The following HTR1E variants were observed in gnomAD, a reference collection of about 807,000 sequenced individuals.
The protein encoded by HTR1E is 5-HT-1E.
HTR1E carries 3 observed loss-of-function variants against 3.4 expected under a neutral mutation model. The ratio of observed to expected loss-of-function variants is 0.89; its 90% confidence interval spans 0.41 to 2.31. HTR1E has a LOEUF of 2.31. HTR1E is among the 30% of genes most tolerant of loss of function. HTR1E has a pLI of 0.05. For synonymous variants in HTR1E, 170 were observed against 182.8 expected, an observed-to-expected ratio of 0.93 and a Z score of 0.56; for missense variants, 392 against 467.0, an observed-to-expected ratio of 0.84 and a Z score of 1.48.
At chr6:86,990,874 T>C (rs909696343) in intron 1 of HTR1E, among the ~76,000 whole-genome samples, 1 of 152,160 alleles carries the variant, frequency 6.6e-6, no homozygotes, top group African/African-American at 2.4e-5. Flanking sequence ...CTAGACTTAG[T>C]GATTCACTTC....
At position 86,947,166 on chromosome 6, in the gene HTR1E, A is replaced by T. The variant is rs1768628633; in HGVS notation, c.-186+9343A>T. 3.3e-5 allele frequency among the ~76,000 whole-genome samples: 5 copies of T among 152,172 alleles called. No individual in the cohort carries two copies. The South Asian group carries it at 1.0e-3, about 32-fold the overall frequency. On this transcript the variant is annotated intron_variant, in intron 1 of 1. Coordinates refer to ENST00000305344, the MANE Select transcript of HTR1E (RefSeq NM_000865.3). ...TTCCATGTATCTAGTGGAATTGTAC[A>T]ATGCTTATGTGATCTTGTGATATCA...
At position 87,016,223 on chromosome 6, in the gene HTR1E, C is replaced by A; in HGVS notation, c.889C>A (p.Leu297Met). The change falls in exon 2 of 2, where the codon CTG (leucine) becomes ATG (methionine). Residue 297 changes from leucine to methionine, a missense_variant. Leu to Met is a conservative substitution (Grantham distance 15, BLOSUM62 2). This residue lies in a region of HTR1E where 178 missense variants were observed against 164.9 expected (regional missense o/e 1.08). Coordinates refer to ENST00000305344, the MANE Select transcript of HTR1E (RefSeq NM_000865.3). Reference protein sequence around the residue: ...RKAARILGLILGAFILSWLPF... With the variant: ...RKAARILGLIMGAFILSWLPF... ...GGCAGCACGCATCCTGGGGCTGATT[C>A]TGGGTGCATTCATTTTATCCTGGCT... 6.2e-7 allele frequency: 1 copy of A among 1,614,132 alleles called. No homozygotes were observed. The highest frequency in any genetic ancestry group is 8.5e-7 in the Non-Finnish European group (1 of 1,180,010).
At chr6:86,971,349 C>T (rs980035850) in intron 1 of HTR1E, among the ~76,000 whole-genome samples, 5 of 152,172 alleles carry the variant, frequency 3.3e-5, no homozygotes, top group African/African-American at 4.8e-5. Context: ...TGTAGCCTCA[C>T]TGTTCTTCAG....
intron 1 of HTR1E, among the ~76,000 whole-genome samples, chr6:86,955,496 T>C (rs889760591): frequency 6.6e-6 from 1 of 152,184 alleles, no homozygotes; most frequent in Non-Finnish European, 1.5e-5. Flanking sequence ...GGTGACCACA[T>C]GTAGAATTTT....
At chr6:86,964,524 TTAAA>T (rs2127821009) in intron 1 of HTR1E, among the ~76,000 whole-genome samples, 1 of 149,958 alleles carries the variant, frequency 6.7e-6, no homozygotes, top group East Asian at 2.0e-4. Context: ...TCTGCAGTAC[TTAAA>T]TTCTTTCTCT....
rs140474776 is a variant in HTR1E, at chr6:86,982,895, G to A, written c.-185-32255G>A. On this transcript the variant is annotated intron_variant, in intron 1 of 1. Coordinates refer to ENST00000305344, the MANE Select transcript of HTR1E (RefSeq NM_000865.3). Reference sequence around the variant, plus strand: ...ATTTTCACATCCTAAACCATCCAGCGTGAAGTCTATGTTATCTGATTAAAG... The same window carrying A: ...ATTTTCACATCCTAAACCATCCAGCATGAAGTCTATGTTATCTGATTAAAG... Among the ~76,000 whole-genome samples, 175 of 152,198 alleles carry A rather than the reference G, an allele frequency of 1.1e-3. 1 individual carries two copies. The highest frequency in any genetic ancestry group is 4.1e-3 in the African/African-American group (169 of 41,516).
intron 1 of HTR1E, among the ~76,000 whole-genome samples, chr6:87,009,836 ACC>A (rs1247245071): frequency 1.6e-4 from 6 of 36,662 alleles, no homozygotes; most frequent in African/African-American, 3.0e-4. Flanking sequence ...GGGGGGACTG[ACC>A]CCCCCCCACC....
chr6:87,016,400 A>G lies in HTR1E; in HGVS notation c.1066A>G (p.Lys356Glu), dbSNP rs867401679. ...SFNEDFKLAF[K>E]KLIRCREHT ...TAATGAAGACTTTAAGCTGGCTTTT[A>G]AAAAGCTCATTAGATGCCGAGAGCA... The change falls in exon 2 of 2, where the codon AAA (lysine) becomes GAA (glutamate). Residue 356 changes from lysine to glutamate, a missense_variant. By Grantham distance (56) the Lys-to-Glu change is moderately conservative. Around this residue, in one of 3 missense-constraint regions of HTR1E, gnomAD observed 25 missense variants for 44.1 expected, o/e 0.57. Transcript: ENST00000305344. 6.2e-7 allele frequency: 1 copy of G among 1,605,180 alleles called. No individual in the cohort carries two copies. The highest frequency in any genetic ancestry group is 1.7e-5 in the Admixed American group (1 of 59,480).
Position 87,016,528 on chromosome 6 carries a change from A to G in HTR1E, c.*96A>G, listed in dbSNP as rs1768329993. On this transcript the variant is annotated 3_prime_UTR_variant, in exon 2 of 2. Coordinates refer to ENST00000305344, the MANE Select transcript of HTR1E (RefSeq NM_000865.3). ...ATTAATTCTTGAACATACTTGGTTC[A>G]GGAGAGTTTGTAAGTATGTGTGGTC... 9.4e-7 allele frequency: 1 copy of G among 1,069,204 alleles called. No individual in the cohort carries two copies. Among genetic ancestry groups the G allele is most frequent in the Non-Finnish European group, 1.4e-6 (1 of 738,466 alleles). The allele number at this position is 1,069,204 out of a possible 1,614,324, so 66.2% of individuals were successfully genotyped here.
At position 86,949,942 on chromosome 6, in the gene HTR1E, C is replaced by T. The variant is rs1022360389; in HGVS notation, c.-186+12119C>T. On this transcript the variant is annotated intron_variant, in intron 1 of 1. Transcript: ENST00000305344. Reference sequence around the variant, plus strand: ...GTTACCTAACCAAGCACTGAGTGAACGTATTTACTGGGGAGGCAGCTGGTC... The same window carrying T: ...GTTACCTAACCAAGCACTGAGTGAATGTATTTACTGGGGAGGCAGCTGGTC... Among the ~76,000 whole-genome samples, 6 of 152,150 alleles carry T rather than the reference C, an allele frequency of 3.9e-5. No homozygotes were observed. In the South Asian group the frequency reaches 1.0e-3, roughly 26 times the overall value.
chr6:86,945,824 GC>G (rs769742724), intron 1 of HTR1E, among the ~76,000 whole-genome samples: 2 of 151,650 alleles, frequency 1.3e-5, no homozygotes, highest in Non-Finnish European at 2.9e-5. Flanking sequence ...TGCAACGTCC[GC>G]CTCCCCAGTT....
At position 87,016,230 on chromosome 6, in the gene HTR1E, C is replaced by T; in HGVS notation, c.896C>T (p.Ala299Val). 6.2e-7 allele frequency: 1 copy of T among 1,614,094 alleles called. No homozygotes were observed. Among genetic ancestry groups the T allele is most frequent in the South Asian group, 1.1e-5 (1 of 91,078 alleles). ...AARILGLILG[A>V]FILSWLPFFI... Reference sequence around the variant, plus strand: ...CGCATCCTGGGGCTGATTCTGGGTGCATTCATTTTATCCTGGCTGCCATTT... The same window carrying T: ...CGCATCCTGGGGCTGATTCTGGGTGTATTCATTTTATCCTGGCTGCCATTT... The change falls in exon 2 of 2, where the codon GCA becomes GTA. Residue 299 changes from alanine (A) to valine (V), a missense_variant. Ala to Val is a moderately conservative substitution (Grantham distance 64). This residue lies in a region of HTR1E where 178 missense variants were observed against 164.9 expected (regional missense o/e 1.08). Transcript: ENST00000305344.
chr6:86,940,624 T>C (rs1242476301), intron 1 of HTR1E, among the ~76,000 whole-genome samples: 1 of 152,208 alleles, frequency 6.6e-6, no homozygotes, highest in Non-Finnish European at 1.5e-5. Context: ...TTCTCATTAC[T>C]CAAGTCTAAT....
chr6:86,974,744 A>C (rs1767605920), intron 1 of HTR1E, among the ~76,000 whole-genome samples: 1 of 152,140 alleles, frequency 6.6e-6, no homozygotes, highest in Non-Finnish European at 1.5e-5. Context: ...TAACTTATTC[A>C]TTCACTTATC....
chr6:86,995,688 G>GAAAAAAAAAAAAAAAAAAAAA (rs58476122), intron 1 of HTR1E, among the ~76,000 whole-genome samples: 7 of 55,202 alleles, frequency 1.3e-4, no homozygotes, highest in Non-Finnish European at 1.5e-4. Flanking sequence ...AAAAAAAAAA[G>GAAAAAAAAAAAAAAAAAAAAA]AAAAAAAAAA....
intron 1 of HTR1E, among the ~76,000 whole-genome samples, chr6:86,940,253 C>T (rs554219879): frequency 1.2e-4 from 18 of 152,146 alleles, no homozygotes; most frequent in Admixed American, 1.1e-3. Context: ...AAGTAGATCT[C>T]AGCCAGGCAT....
intron 1 of HTR1E, among the ~76,000 whole-genome samples, chr6:87,013,990 C>A (rs1768277429): frequency 6.6e-6 from 1 of 152,072 alleles, no homozygotes; most frequent in African/African-American, 2.4e-5. Flanking sequence ...AGCCATCATT[C>A]TGAGCAAACT....
intron 1 of HTR1E, among the ~76,000 whole-genome samples, chr6:86,994,035 C>G (rs1019742794): frequency 6.6e-6 from 1 of 151,902 alleles, no homozygotes; most frequent in Non-Finnish European, 1.5e-5. Flanking sequence ...GCATGGAAAA[C>G]AGAGGAAAAG....
chr6:87,009,836 A>ACCCC (rs1247245071), intron 1 of HTR1E, among the ~76,000 whole-genome samples: 1 of 36,714 alleles, frequency 2.7e-5, no homozygotes, highest in Non-Finnish European at 4.7e-5. Context: ...GGGGGGACTG[A>ACCCC]CCCCCCCCCA....
Sources: gnomAD v4.1 joint callset for allele counts (sites outside exome capture counted in the v4.1 genomes callset) on GRCh38, gnomAD v4.1.1 for gene constraint, gnomAD v4.1.1 regional missense constraint, MANE v1.5 for transcripts, NCBI Gene and HGNC (gene_info 2026-07-23, HGNC 2026-07-21) for gene names.